GIGYF2: variants seen among roughly 807,000 people sequenced by gnomAD.
GIGYF2 encodes the protein GRB10 interacting GYF protein 2, also known as GRB10-interacting GYF protein 2.
GIGYF2 carries 25 observed loss-of-function variants against 208.1 expected under a neutral mutation model. The ratio of observed to expected loss-of-function variants is 0.12; its 90% CI spans 0.09 to 0.17. The LOEUF (loss-of-function observed/expected upper bound fraction) is 0.17, where lower values mean the gene tolerates loss of function less well. Among genes scored for constraint, GIGYF2 ranks in the 10% least tolerant of loss-of-function variants. GIGYF2 has a pLI of 1.00. For missense variants in GIGYF2, 1,302 were observed against 1,579.4 expected (o/e 0.82, Z 2.98); for synonymous variants, 534 against 543.8 (o/e 0.98, Z 0.25).
intron 8 of GIGYF2, among the ~76,000 whole-genome samples, chr2:232,780,550 GA>G (rs1699679129): frequency 6.6e-6 from 1 of 152,172 alleles, no homozygotes; most frequent in Non-Finnish European, 1.5e-5. Context: ...CCTTTTCCCT[GA>G]AAGAAGAAGA....
intron 21 of GIGYF2, among the ~76,000 whole-genome samples, chr2:232,831,438 C>A (rs1701422598): frequency 6.6e-6 from 1 of 152,186 alleles, no homozygotes; most frequent in South Asian, 2.1e-4. Flanking sequence ...ATGCCAGTTA[C>A]TGTGCTTGTT....
rs758371268 is a variant in GIGYF2 at position 232,857,004 on chromosome 2, C to T, written c.*144C>T. The stretch of plus-strand genomic sequence containing the variant: ...ATCATCTCAGGCTTTTTCTTCTGGC[C>T]CTTTGTGTCCAAGATTCTTTAATCC... On this transcript the variant is annotated 3_prime_UTR_variant, in exon 29 of 29. Coordinates refer to ENST00000373563, the MANE Select transcript of GIGYF2 (RefSeq NM_001103146.3). The T allele has an allele frequency of 5.1e-5, 37 of 728,692 alleles. No homozygotes were observed. The highest frequency in any genetic ancestry group is 3.6e-4 in the Middle Eastern group (1 of 2,768). 45.1% of individuals were successfully genotyped at this position (728,692 alleles called of 1,614,324 possible).
chr2:232,806,530 C>A lies in GIGYF2; in HGVS notation c.1679C>A (p.Ala560Glu). ...NNQEMAEWFQ[A>E]GYFTMSLLVK... ...CAGGAGATGGCAGAATGGTTTCAGG[C>A]GGGCTATTTTACTATGTCTTTATTG... Residue 560 changes from alanine (A) to glutamate (E), a missense_variant, in exon 15 of 29, where the codon GCG becomes GAG. By Grantham distance (107) the Ala-to-Glu change is moderately radical. Around this residue, in one of 8 missense-constraint regions of GIGYF2, gnomAD observed 69 missense variants for 132.8 expected, o/e 0.52. Transcript: ENST00000373563. This position sits in a 1 kb window ranked among gnomAD's most constrained non-coding sequence, Gnocchi z 4.0. 1.2e-6 allele frequency: 2 copies of A among 1,609,338 alleles called. No individual in the cohort carries two copies. The highest frequency in any genetic ancestry group is 8.5e-7 in the Non-Finnish European group (1 of 1,175,732).
chr2:232,737,482 A>T (rs1374024049), intron 3 of GIGYF2, among the ~76,000 whole-genome samples: 1 of 152,204 alleles, frequency 6.6e-6, no homozygotes, highest in Non-Finnish European at 1.5e-5. Context: ...AGGTGTAAGT[A>T]GGCATAGTGC....
chr2:232,790,932 A>G lies in GIGYF2; in HGVS notation c.930+17A>G. ...TCTCTAAAAGTAAGAAACGTGTTTT[A>G]AATGTCATGACCAGCATTAACCTTA... On this transcript the variant is annotated intron_variant, in intron 10 of 28. Coordinates refer to ENST00000373563, the MANE Select transcript of GIGYF2 (RefSeq NM_001103146.3). 3.7e-6 allele frequency: 6 copies of G among 1,612,650 alleles called. No individual in the cohort carries two copies. The highest frequency in any genetic ancestry group is 5.1e-6 in the Non-Finnish European group (6 of 1,178,638).
Position 232,850,418 on chromosome 2 carries a change from G to T in GIGYF2, c.3832+9G>T. ...AGATCCCAGTTTATTAGGTGAGCACGGTCCTAGTCTCAGCTGAGTGTTGGA... is the reference window on the plus strand; with the variant it reads ...AGATCCCAGTTTATTAGGTGAGCACTGTCCTAGTCTCAGCTGAGTGTTGGA... On this transcript the variant is annotated intron_variant, in intron 28 of 28. Coordinates refer to ENST00000373563, the MANE Select transcript of GIGYF2 (RefSeq NM_001103146.3). The T allele has an allele frequency of 6.2e-7, 1 of 1,612,684 alleles. No homozygotes were observed. Among genetic ancestry groups the T allele is most frequent in the South Asian group, 1.1e-5 (1 of 91,040 alleles).
In GIGYF2 at chr2:232,787,281, C is replaced by G. The variant is rs763017008; in HGVS notation, c.664C>G (p.Leu222Val). 1 of 1,613,988 alleles carries G rather than the reference C, an allele frequency of 6.2e-7. No individual in the cohort carries two copies. The highest frequency in any genetic ancestry group is 1.1e-5 in the South Asian group (1 of 91,078). Reference sequence around the variant, plus strand: ...AGAAGATGAAGATGGAGGTTGGCGACTAGCTGGATCAAGGAGGGATGGAGA... The same window carrying G: ...AGAAGATGAAGATGGAGGTTGGCGAGTAGCTGGATCAAGGAGGGATGGAGA... Reference protein sequence around the residue: ...NGEDEDGGWRLAGSRRDGERW... With the variant: ...NGEDEDGGWRVAGSRRDGERW... The change falls in exon 9 of 29, where the codon CTA becomes GTA. Residue 222 changes from leucine to valine, a missense_variant. Leu to Val is a conservative substitution (Grantham distance 32, BLOSUM62 1). Around this residue, in one of 8 missense-constraint regions of GIGYF2, gnomAD observed 189 missense variants for 257.7 expected, o/e 0.73. Coordinates refer to ENST00000373563, the MANE Select transcript of GIGYF2 (RefSeq NM_001103146.3).
intron 27 of GIGYF2, among the ~76,000 whole-genome samples, 193 bp downstream of exon 27, chr2:232,847,764 C>G (rs987540831): frequency 1.3e-5 from 2 of 152,230 alleles, no homozygotes; most frequent in Admixed American, 1.3e-4. Flanking sequence ...ATAGCAAGTA[C>G]AACCATTCAT....
At chr2:232,808,276 T>C (rs755758220) in intron 15 of GIGYF2, among the ~76,000 whole-genome samples, 47 of 152,212 alleles carry the variant, frequency 3.1e-4, no homozygotes, top group Non-Finnish European at 8.8e-5. Context: ...TTATTTCCCT[T>C]CTCTGAAATT....
intron 6 of GIGYF2, among the ~76,000 whole-genome samples, chr2:232,757,589 C>T (rs1475025548): frequency 1.3e-5 from 2 of 152,024 alleles, no homozygotes; most frequent in Non-Finnish European, 2.9e-5. Flanking sequence ...ATGGCTCTGG[C>T]CTGCTGCTTG....
In GIGYF2 at chr2:232,858,638, C is replaced by T. The variant is rs1416695993; in HGVS notation, c.*1778C>T. 6.7e-6 allele frequency: 3 copies of T among 447,270 alleles called. No homozygotes were observed. The highest frequency in any genetic ancestry group is 7.0e-5 in the East Asian group (1 of 14,346). The allele number at this position is 447,270 out of a possible 1,614,324, so 27.7% of individuals were successfully genotyped here. ...TCTGATTGTATTCTATCTGAGTGCA[C>T]CTCTTGTACTCACCTTTATGGAGGC... On this transcript the variant is annotated 3_prime_UTR_variant, in exon 29 of 29. Coordinates refer to ENST00000373563, the MANE Select transcript of GIGYF2 (RefSeq NM_001103146.3).
At chr2:232,846,587 T>C (rs1302343792) in intron 26 of GIGYF2, among the ~76,000 whole-genome samples, 1 of 152,208 alleles carries the variant, frequency 6.6e-6, no homozygotes, top group African/African-American at 2.4e-5. Flanking sequence ...TTTGCAGCAG[T>C]GTAACAATAT....
intron 28 of GIGYF2, among the ~76,000 whole-genome samples, chr2:232,853,267 G>T (rs1424299259): frequency 6.6e-6 from 1 of 152,178 alleles, no homozygotes; most frequent in African/African-American, 2.4e-5. Context: ...GATGGAAAGA[G>T]AATTTTGCTT....
chr2:232,849,442 G>A (rs907471847), intron 27 of GIGYF2, among the ~76,000 whole-genome samples: 7 of 152,084 alleles, frequency 4.6e-5, no homozygotes, highest in Non-Finnish European at 7.4e-5. Flanking sequence ...GGGATTACAG[G>A]CATGGGCTAC....
At chr2:232,756,189 C>CTTTTT in intron 5 of GIGYF2, 34 bp from the exon 6 acceptor site, 1 of 1,202,834 alleles carries the variant, frequency 8.3e-7, no homozygotes, top group Non-Finnish European at 1.2e-6. Context: ...TCTTTTTTTC[C>CTTTTT]TTTTTCTCTT....
intron 14 of GIGYF2, among the ~76,000 whole-genome samples, chr2:232,803,582 CTCTT>C (rs1185659047): frequency 1.3e-5 from 2 of 151,816 alleles, no homozygotes; most frequent in Non-Finnish European, 1.5e-5. Flanking sequence ...TGTCTTTTCT[CTCTT>C]AAATTGTTTT....
chr2:232,745,887 C>T (rs1559399563), intron 3 of GIGYF2, among the ~76,000 whole-genome samples: 1 of 152,058 alleles, frequency 6.6e-6, no homozygotes, highest in African/African-American at 2.4e-5. Flanking sequence ...TACTCAGTCA[C>T]CAGTTTACAT....
chr2:232,728,962 T>TTTTCCC (rs1477400740), intron 2 of GIGYF2, among the ~76,000 whole-genome samples: 1 of 152,066 alleles, frequency 6.6e-6, no homozygotes, highest in Non-Finnish European at 1.5e-5. Context: ...TTCTCTTTCC[T>TTTTCCC]TTTCCCTTTC....
chr2:232,784,269 A>T (rs1398547659), intron 8 of GIGYF2, among the ~76,000 whole-genome samples: 1 of 152,154 alleles, frequency 6.6e-6, no homozygotes, highest in African/African-American at 2.4e-5. Flanking sequence ...TTCAAGACCA[A>T]CCTAAACAAC....
Sources: allele counts gnomAD v4.1 joint callset (sites outside exome capture counted in the v4.1 genomes callset), GRCh38; gene constraint gnomAD v4.1.1; regional missense constraint gnomAD v4.1.1; non-coding constraint Gnocchi (gnomAD v3.1); transcripts MANE v1.5; gene names NCBI Gene and HGNC (gene_info 2026-07-23, HGNC 2026-07-21).